PLSCR4: variants seen among roughly 807,000 people sequenced by gnomAD.
PLSCR4 encodes phospholipid scramblase 4, also known as Ca(2+)-dependent phospholipid scramblase 4.
In PLSCR4, 25 loss-of-function variants were observed where a neutral mutation model predicts 36.3. That is an observed-to-expected ratio of 0.69 (90% CI 0.50 to 0.96). The LOEUF is 0.96. Among genes scored for constraint, PLSCR4 ranks in the 40% least tolerant of loss-of-function variants. The pLI, the probability that PLSCR4 is intolerant of heterozygous loss-of-function variation, is 0.00. For missense variants in PLSCR4, 408 were observed against 414.7 expected (o/e 0.98, Z 0.14); for synonymous variants, 122 against 132.9 (o/e 0.92, Z 0.56).
intron 1 of PLSCR4, chr3:146,223,629 A>G (rs1318796315): frequency 1.3e-5 from 2 of 152,092 alleles, no homozygotes; most frequent in African/African-American, 4.8e-5. Flanking sequence ...AGCTGACTCA[A>G]TGAAAACTGC....
At chr3:146,231,375 C>G (rs548706087) in intron 1 of PLSCR4, among the ~76,000 whole-genome samples, 1 of 151,956 alleles carries the variant, frequency 6.6e-6, no homozygotes, top group South Asian at 2.1e-4. Flanking sequence ...TGGTATGTAC[C>G]CAGTGATGGG....
intron 1 of PLSCR4, among the ~76,000 whole-genome samples, chr3:146,238,040 G>A (rs549251301): frequency 8.6e-5 from 13 of 151,838 alleles, no homozygotes; most frequent in Admixed American, 7.2e-4. Context: ...AAGAAAAAAG[G>A]ATTATAGGGG....
intron 1 of PLSCR4, among the ~76,000 whole-genome samples, chr3:146,240,647 AG>A (rs1177919279): frequency 6.6e-6 from 1 of 152,212 alleles, no homozygotes; most frequent in East Asian, 1.9e-4. Context: ...CTTCACACCT[AG>A]TAAGATGACT....
At chr3:146,241,328 T>C (rs890103622) in intron 1 of PLSCR4, among the ~76,000 whole-genome samples, 2 of 152,178 alleles carry the variant, frequency 1.3e-5, no homozygotes, top group African/African-American at 4.8e-5. Flanking sequence ...GGTATGTGAA[T>C]TATGTCTCAA....
chr3:146,219,621 CA>C (rs1034557560), intron 3 of PLSCR4, among the ~76,000 whole-genome samples: 2 of 151,280 alleles, frequency 1.3e-5, no homozygotes, highest in South Asian at 2.1e-4. Context: ...TGCCTAGAGC[CA>C]AAAAAAACCT....
intron 3 of PLSCR4, among the ~76,000 whole-genome samples, chr3:146,213,465 G>A (rs1430679840): frequency 1.3e-5 from 2 of 151,382 alleles, no homozygotes; most frequent in African/African-American, 4.9e-5. Flanking sequence ...CCAAGTAGCT[G>A]GGATTACAGG....
At chr3:146,196,831 TG>T (rs747324745) in intron 6 of PLSCR4, 38 bp from the exon 7 acceptor site, 40 of 1,582,220 alleles carry the variant, frequency 2.5e-5, no homozygotes, top group Admixed American at 8.4e-5. Flanking sequence ...GGATGCTACA[TG>T]CATACACATA....
chr3:146,225,381 C>G (rs984422076), intron 1 of PLSCR4, among the ~76,000 whole-genome samples: 1 of 152,226 alleles, frequency 6.6e-6, no homozygotes, highest in Admixed American at 6.5e-5. Flanking sequence ...TAGTGGATCC[C>G]GCAGCAGGGC....
At chr3:146,230,085 T>C (rs1350093912) in intron 1 of PLSCR4, among the ~76,000 whole-genome samples, 2 of 152,132 alleles carry the variant, frequency 1.3e-5, no homozygotes, top group East Asian at 1.9e-4. Flanking sequence ...CTCAAACCTG[T>C]CTGAAGTGAA....
intron 3 of PLSCR4, among the ~76,000 whole-genome samples, 197 bp from the exon 4 acceptor site, chr3:146,206,958 T>C (rs1461706701): frequency 6.6e-6 from 1 of 152,120 alleles, no homozygotes; most frequent in Non-Finnish European, 1.5e-5. Context: ...TATTAATTCA[T>C]TTAATCCTCT....
chr3:146,234,400 A>G (rs1439566996), intron 1 of PLSCR4, among the ~76,000 whole-genome samples: 1 of 152,164 alleles, frequency 6.6e-6, no homozygotes, highest in African/African-American at 2.4e-5. Context: ...CCATTCTGTC[A>G]TGTCCCAGAT....
At chr3:146,202,758 A>G (rs1297343663) in intron 4 of PLSCR4, among the ~76,000 whole-genome samples, 1 of 152,044 alleles carries the variant, frequency 6.6e-6, no homozygotes, top group Non-Finnish European at 1.5e-5. Context: ...CTGCTTTATC[A>G]ATTATATTTG....
chr3:146,209,289 T>C (rs2034499204), intron 3 of PLSCR4, among the ~76,000 whole-genome samples: 2 of 151,970 alleles, frequency 1.3e-5, no homozygotes, highest in South Asian at 4.1e-4. Context: ...GGGTGAGGGA[T>C]AAAAGGCTAC....
chr3:146,243,238 CT>C (rs11300769), intron 1 of PLSCR4, among the ~76,000 whole-genome samples: 1,547 of 151,528 alleles, frequency 0.01, 19 homozygotes, highest in African/African-American at 0.035. Context: ...CTGTATACAT[CT>C]TTTTTTTTAT....
At chr3:146,208,745 T>C (rs765052796) in intron 3 of PLSCR4, among the ~76,000 whole-genome samples, 15 of 151,932 alleles carry the variant, frequency 9.9e-5, no homozygotes, top group Admixed American at 4.6e-4. Context: ...ATGGCCATAA[T>C]CAAAAACTCA....
rs1330659749 is a variant in PLSCR4, at chr3:146,193,148, T to C, written c.*1263A>G. ...CTCACTTATACACTATGCTTTTAAT[T>C]AGTTAACACAAAAATGTGTAATTGA... On this transcript the variant is annotated 3_prime_UTR_variant, in exon 9 of 9. Coordinates refer to ENST00000354952, the MANE Select transcript of PLSCR4 (RefSeq NM_020353.3). 6.6e-6 allele frequency: 1 copy of C among 152,182 alleles called. No individual in the cohort carries two copies. The highest frequency in any genetic ancestry group is 2.4e-5 in the African/African-American group (1 of 41,428). 9.4% of individuals were successfully genotyped at this position (152,182 alleles called of 1,614,324 possible).
At chr3:146,195,062 T>A in intron 8 of PLSCR4, 62 bp downstream of exon 8, 4 of 1,450,708 alleles carry the variant, frequency 2.8e-6, no homozygotes, top group Non-Finnish European at 3.8e-6. Flanking sequence ...TATACTACAC[T>A]ATACTGCTTC....
At chr3:146,223,249 C>G (rs2035256574) in intron 1 of PLSCR4, among the ~76,000 whole-genome samples, 1 of 151,536 alleles carries the variant, frequency 6.6e-6, no homozygotes, top group Non-Finnish European at 1.5e-5. Flanking sequence ...TGAATTCAGT[C>G]AGGCAAAAAA....
At chr3:146,229,137 G>A (rs1431589012) in intron 1 of PLSCR4, among the ~76,000 whole-genome samples, 1 of 152,138 alleles carries the variant, frequency 6.6e-6, no homozygotes, top group South Asian at 2.1e-4. Flanking sequence ...TCTTTGCCCT[G>A]GGTTCCGGGA....
Sources: gnomAD v4.1 joint callset for allele counts (sites outside exome capture counted in the v4.1 genomes callset) on GRCh38, gnomAD v4.1.1 for gene constraint, MANE v1.5 for transcripts, NCBI Gene and HGNC (gene_info 2026-07-23, HGNC 2026-07-21) for gene names.